Variants in TBC1D22A observed in about 807,000 individuals in gnomAD.
TBC1D22A encodes the protein TBC1 domain family member 22A, also known as putative GTPase activator.
In TBC1D22A, 38 loss-of-function variants were observed where a neutral mutation model predicts 60.2. The ratio of observed to expected loss-of-function variants is 0.63; its 90% CI spans 0.49 to 0.83. The LOEUF is 0.83. TBC1D22A is among the 40% of genes least tolerant of loss of function. The pLI, the probability that TBC1D22A is intolerant of heterozygous loss-of-function variation, is 0.00. For missense variants in TBC1D22A, 628 were observed against 701.0 expected (o/e 0.90, Z 1.18); for synonymous variants, 302 against 281.7 (o/e 1.07, Z -0.72).
rs1353959111 is a variant in TBC1D22A, at chr22:47,028,435, CATTCCT to C, written c.1202-8635_1202-8630del. On this transcript the variant is annotated intron_variant, in intron 10 of 12. Coordinates refer to ENST00000337137, the MANE Select transcript of TBC1D22A (RefSeq NM_014346.5). The surrounding 1 kb of genome is among the most constrained non-coding windows in gnomAD (Gnocchi z 4.4). Reference sequence around the variant, plus strand: ...CCCAGGTTCTGAGAGCGAGTGGTCGCATTCCTGTCCCTCGGTCCCTGTCCCCCACGG... The same window carrying C: ...CCCAGGTTCTGAGAGCGAGTGGTCGCGTCCCTCGGTCCCTGTCCCCCACGG... Among the ~76,000 whole-genome samples the C allele has an allele frequency of 2.5e-4, 31 of 125,782 alleles. No individual in the cohort carries two copies. Among genetic ancestry groups the C allele is most frequent in the African/African-American group, 1.2e-3 (31 of 26,322 alleles). 82.5% of individuals were successfully genotyped at this position (125,782 alleles called of 152,430 possible).
intron 8 of TBC1D22A, chr22:46,915,476 G>A (rs2070294036): frequency 2.2e-6 from 1 of 456,586 alleles, no homozygotes; most frequent in South Asian, 1.5e-5. Context: ...AGGTTATCAT[G>A]TGACCGCTCA....
chr22:46,787,390 G>A (rs2084205106), intron 1 of TBC1D22A, among the ~76,000 whole-genome samples: 1 of 152,118 alleles, frequency 6.6e-6, no homozygotes, highest in Admixed American at 6.6e-5. Flanking sequence ...TTTCTGTCGA[G>A]TGGCCCGGCC....
intron 1 of TBC1D22A, 144 bp from the exon 2 acceptor site, chr22:46,792,376 T>C: frequency 9.0e-7 from 1 of 1,105,340 alleles, no homozygotes; most frequent in Non-Finnish European, 1.3e-6. Context: ...CCCGGGTGGC[T>C]GCAGGGGGGC....
chr22:47,167,328 A>G (rs1368941462), intron 12 of TBC1D22A, among the ~76,000 whole-genome samples: 1 of 152,226 alleles, frequency 6.6e-6, no homozygotes, highest in Non-Finnish European at 1.5e-5. Flanking sequence ...GCATTGCCGA[A>G]GGCACTTTGC....
intron 12 of TBC1D22A, among the ~76,000 whole-genome samples, chr22:47,117,837 C>T (rs8139836): frequency 0.021 from 3,263 of 152,168 alleles, 124 homozygotes; most frequent in African/African-American, 0.072. Context: ...AAAAATAAGG[C>T]GGGGGCTGAG....
intron 11 of TBC1D22A, among the ~76,000 whole-genome samples, chr22:47,092,146 G>C (rs1303851029): frequency 6.6e-6 from 1 of 152,198 alleles, no homozygotes; most frequent in East Asian, 1.9e-4. Flanking sequence ...AGGGCACGCT[G>C]TGTACCTGTG....
At chr22:47,080,032 G>T (rs2064396305) in intron 11 of TBC1D22A, among the ~76,000 whole-genome samples, 1 of 152,154 alleles carries the variant, frequency 6.6e-6, no homozygotes, top group African/African-American at 2.4e-5. Context: ...CACAGCTAAA[G>T]AAGGACTTTT....
intron 12 of TBC1D22A, among the ~76,000 whole-genome samples, chr22:47,171,343 C>T (rs2068441258): frequency 6.6e-6 from 1 of 152,188 alleles, no homozygotes; most frequent in Admixed American, 6.5e-5. Flanking sequence ...TTCCAGCACC[C>T]TGAGGGCTCC....
rs372974245 is a variant in TBC1D22A, at chr22:47,095,961, C to T, written c.1330-15547C>T. On this transcript the variant is annotated intron_variant, in intron 11 of 12. Coordinates refer to ENST00000337137, the MANE Select transcript of TBC1D22A (RefSeq NM_014346.5). The stretch of plus-strand genomic sequence containing the variant: ...GGCTGAGTCATATGGATGAGAGGTG[C>T]TGCTACATAGATGAGTCTGTTGGTA... Among the ~76,000 whole-genome samples the T allele has an allele frequency of 3.3e-5, 5 of 152,362 alleles. No homozygotes were observed. In the East Asian group the frequency reaches 7.7e-4, roughly 23 times the overall value.
At chr22:46,783,257 A>G (rs1437860792) in intron 1 of TBC1D22A, among the ~76,000 whole-genome samples, 1 of 152,184 alleles carries the variant, frequency 6.6e-6, no homozygotes, top group Non-Finnish European at 1.5e-5. Context: ...GAATGGGCAG[A>G]CTTAGAGTTA....
At chr22:46,873,530 T>A (rs6007977) in intron 4 of TBC1D22A, among the ~76,000 whole-genome samples, 1,910 of 152,280 alleles carry the variant, frequency 0.013, 43 homozygotes, top group African/African-American at 0.044. Flanking sequence ...ATTTTTAAAT[T>A]CAGGGATACA....
chr22:47,173,163 A>G (rs535294910), intron 12 of TBC1D22A, among the ~76,000 whole-genome samples: 9 of 152,172 alleles, frequency 5.9e-5, no homozygotes, highest in Non-Finnish European at 1.2e-4. Flanking sequence ...CTGCCACGAC[A>G]TCTCAGATGC....
At chr22:46,793,194 G>A (rs1286003324) in intron 2 of TBC1D22A, among the ~76,000 whole-genome samples, 2 of 152,208 alleles carry the variant, frequency 1.3e-5, no homozygotes, top group African/African-American at 4.8e-5. Flanking sequence ...ACTGGGATTC[G>A]GGGAAGGTGC....
intron 12 of TBC1D22A, among the ~76,000 whole-genome samples, chr22:47,151,111 C>T (rs2067484239): frequency 6.6e-6 from 1 of 152,114 alleles, no homozygotes. Flanking sequence ...ACCCGCTCCG[C>T]TTAAAGGAAA....
intron 11 of TBC1D22A, among the ~76,000 whole-genome samples, chr22:47,052,388 G>T (rs2063254986): frequency 6.6e-6 from 1 of 152,196 alleles, no homozygotes; most frequent in Non-Finnish European, 1.5e-5. Context: ...GCCTGGGGAT[G>T]CCTGGGAGGG....
At chr22:47,095,640 C>T (rs527356998) in intron 11 of TBC1D22A, among the ~76,000 whole-genome samples, 87 of 152,286 alleles carry the variant, frequency 5.7e-4, no homozygotes, top group African/African-American at 2.0e-3. Flanking sequence ...CAACTGGGAA[C>T]TGAAGGAGAG....
chr22:46,974,510 G>C, intron 9 of TBC1D22A, 111 bp downstream of exon 9: 1 of 855,424 alleles, frequency 1.2e-6, no homozygotes, highest in Non-Finnish European at 1.9e-6. Context: ...AGTCCCTCCT[G>C]AAGCCTCACT....
chr22:47,034,596 G>A (rs1407469478), intron 10 of TBC1D22A, among the ~76,000 whole-genome samples: 1 of 152,224 alleles, frequency 6.6e-6, no homozygotes, highest in Non-Finnish European at 1.5e-5. Flanking sequence ...TGCCCTGCAA[G>A]CGGGCCCCTG....
intron 12 of TBC1D22A, among the ~76,000 whole-genome samples, chr22:47,150,604 C>T (rs2067465668): frequency 1.3e-5 from 2 of 152,248 alleles, no homozygotes; most frequent in African/African-American, 4.8e-5. Flanking sequence ...TCTCGCCGAG[C>T]TGTCTGCTCG....
Sources: gnomAD v4.1 joint callset for allele counts (sites outside exome capture counted in the v4.1 genomes callset) on GRCh38, gnomAD v4.1.1 for gene constraint, Gnocchi (gnomAD v3.1) non-coding constraint, MANE v1.5 for transcripts, NCBI Gene and HGNC (gene_info 2026-07-23, HGNC 2026-07-21) for gene names.